CSMD1: variants seen among roughly 807,000 people sequenced by gnomAD.
The protein encoded by CSMD1 is CUB and Sushi multiple domains 1, also known as CUB and sushi domain-containing protein 1.
A neutral mutation model predicts 417.5 loss-of-function variants in CSMD1; 213 were observed. The observed-to-expected ratio is 0.51, with a 90% CI of 0.46 to 0.57. The LOEUF (loss-of-function observed/expected upper bound fraction) is 0.57, where lower values mean the gene tolerates loss of function less well. Ranked by LOEUF, CSMD1 falls within the 20% of genes least tolerant of loss-of-function variation. The probability of loss-of-function intolerance (pLI) is 0.00; values close to 1 mark genes in which losing one functional copy is unlikely to be tolerated. For synonymous variants in CSMD1, 2,862 were observed against 1,736.8 expected, an observed-to-expected ratio of 1.65 and a Z score of -16.11; for missense variants, 6,923 against 4,529.7, an observed-to-expected ratio of 1.53 and a Z score of -15.17.
rs562586144 is a variant in CSMD1, at chr8:3,991,391, A to G, written c.818+6512T>C. Among the ~76,000 whole-genome samples, 7 of 152,294 alleles carry G rather than the reference A, an allele frequency of 4.6e-5. No individual in the cohort carries two copies. The East Asian group carries it at 1.4e-3, about 29-fold the overall frequency. On this transcript the variant is annotated intron_variant, in intron 5 of 69. Transcript: ENST00000635120. ...ACTTCAGTGCGTCACGGTTGCATAT[A>G]TAACCCTGTTTAGTCACATCTTTAT...
intron 2 of CSMD1, among the ~76,000 whole-genome samples, chr8:4,494,526 A>G (rs1801882815): frequency 6.6e-6 from 1 of 152,216 alleles, no homozygotes; most frequent in Admixed American, 6.5e-5. Flanking sequence ...AATTGCTTCT[A>G]TCTAATAAAC....
chr8:4,275,596 T>C (rs912430063), intron 3 of CSMD1, among the ~76,000 whole-genome samples: 1 of 152,128 alleles, frequency 6.6e-6, no homozygotes, highest in Non-Finnish European at 1.5e-5. Flanking sequence ...AAGGTAATAT[T>C]GTAATTTTTA....
At chr8:3,280,955 C>T (rs189629518) in intron 26 of CSMD1, among the ~76,000 whole-genome samples, 597 of 152,072 alleles carry the variant, frequency 3.9e-3, no homozygotes, top group Non-Finnish European at 6.1e-3. Context: ...ATTGTTAAAA[C>T]AGGAAGATTT....
intron 3 of CSMD1, among the ~76,000 whole-genome samples, chr8:4,137,270 G>C (rs933532167): frequency 1.3e-5 from 2 of 152,130 alleles, no homozygotes; most frequent in African/African-American, 2.4e-5. Flanking sequence ...AATTGATAAA[G>C]AAACATGGTC....
chr8:4,732,464 A>G (rs1387402891), intron 1 of CSMD1, among the ~76,000 whole-genome samples: 3 of 151,910 alleles, frequency 2.0e-5, no homozygotes, highest in Non-Finnish European at 4.4e-5. Flanking sequence ...AAGAACAAGA[A>G]TTACTTACAA....
chr8:4,729,444 G>C (rs1186448484), intron 1 of CSMD1, among the ~76,000 whole-genome samples: 2 of 152,164 alleles, frequency 1.3e-5, no homozygotes, highest in Non-Finnish European at 2.9e-5. Flanking sequence ...TTGCGGCAGA[G>C]GGGAGCAGAG....
At chr8:3,293,837 C>G (rs546687633) in intron 25 of CSMD1, among the ~76,000 whole-genome samples, 77 of 152,338 alleles carry the variant, frequency 5.1e-4, no homozygotes, top group African/African-American at 1.8e-3. Flanking sequence ...TTGTCAAAGT[C>G]ATTCTCCATC....
At chr8:3,828,382 G>C (rs73658298) in intron 5 of CSMD1, among the ~76,000 whole-genome samples, 1 of 152,084 alleles carries the variant, frequency 6.6e-6, no homozygotes, top group Non-Finnish European at 1.5e-5. Flanking sequence ...ATTTAGTTTT[G>C]AGGAAACTGC....
At chr8:4,349,950 A>G (rs951152944) in intron 3 of CSMD1, among the ~76,000 whole-genome samples, 1 of 152,180 alleles carries the variant, frequency 6.6e-6, no homozygotes, top group African/African-American at 2.4e-5. Context: ...CTTTAACAAA[A>G]CAAATGTATG....
intron 1 of CSMD1, among the ~76,000 whole-genome samples, chr8:4,908,214 G>A (rs921568178): frequency 6.6e-6 from 1 of 152,104 alleles, no homozygotes; most frequent in Non-Finnish European, 1.5e-5. Flanking sequence ...TTTCTGATAA[G>A]AAATTTGCTG....
intron 12 of CSMD1, among the ~76,000 whole-genome samples, chr8:3,415,476 G>A (rs1369844358): frequency 3.9e-5 from 6 of 152,212 alleles, no homozygotes; most frequent in African/African-American, 1.4e-4. Flanking sequence ...TCTTGGCTCA[G>A]CCTCCTGCAT....
At chr8:4,320,993 A>G (rs1418387186) in intron 3 of CSMD1, among the ~76,000 whole-genome samples, 1 of 152,006 alleles carries the variant, frequency 6.6e-6, no homozygotes, top group Non-Finnish European at 1.5e-5. Context: ...TCCTTATACC[A>G]GTTTCTCTGT....
Position 3,118,571 on chromosome 8 carries a change from G to C in CSMD1, c.6258C>G (p.Asn2086Lys), listed in dbSNP as rs1453390480. Residue 2086 changes from asparagine (N) to lysine (K), a missense_variant, in exon 42 of 70, where the codon AAC becomes AAG. Asn to Lys is a moderately conservative substitution (Grantham distance 94). Transcript: ENST00000635120. ...KLAYQAYELQ[N>K]CPDPPPFQNG... ...TCTGAAATGGGGGTGGATCTGGACAGTTCTGTAATTCATAGGCTGAAAGAA... is the reference window on the plus strand; with the variant it reads ...TCTGAAATGGGGGTGGATCTGGACACTTCTGTAATTCATAGGCTGAAAGAA... 1.2e-6 allele frequency: 2 copies of C among 1,611,712 alleles called. No individual in the cohort carries two copies. Among genetic ancestry groups the C allele is most frequent in the African/African-American group, 2.7e-5 (2 of 74,818 alleles).
chr8:3,616,334 G>T (rs986467447), intron 8 of CSMD1, among the ~76,000 whole-genome samples: 1 of 152,136 alleles, frequency 6.6e-6, no homozygotes, highest in Non-Finnish European at 1.5e-5. Flanking sequence ...CCTCCACTTC[G>T]CTCATTCTTC....
At chr8:3,230,602 A>G (rs1296629221) in intron 26 of CSMD1, among the ~76,000 whole-genome samples, 2 of 152,194 alleles carry the variant, frequency 1.3e-5, no homozygotes, top group Non-Finnish European at 2.9e-5. Flanking sequence ...AACTAGTTAA[A>G]GTACACCAAC....
intron 3 of CSMD1, among the ~76,000 whole-genome samples, chr8:4,114,814 G>C (rs946496478): frequency 6.6e-6 from 1 of 152,130 alleles, no homozygotes; most frequent in African/African-American, 2.4e-5. Flanking sequence ...ATAGCGAGAG[G>C]TAAAATTAGA....
intron 10 of CSMD1, among the ~76,000 whole-genome samples, chr8:3,571,885 G>A (rs1301708332): frequency 6.6e-6 from 1 of 152,110 alleles, no homozygotes; most frequent in Non-Finnish European, 1.5e-5. Context: ...ACCTTTTAGG[G>A]TGTACTTCCG....
At chr8:4,209,850 G>T (rs778278064) in intron 3 of CSMD1, among the ~76,000 whole-genome samples, 31 of 152,328 alleles carry the variant, frequency 2.0e-4, no homozygotes, top group Non-Finnish European at 4.3e-4. Flanking sequence ...ATAAGGAGCG[G>T]TTAATGCAGA....
intron 2 of CSMD1, among the ~76,000 whole-genome samples, chr8:4,611,172 T>G (rs934964582): frequency 6.6e-6 from 1 of 152,194 alleles, no homozygotes; most frequent in Non-Finnish European, 1.5e-5. Context: ...TATATGGGTT[T>G]ATAGATACAT....
Sources: allele counts gnomAD v4.1 joint callset (sites outside exome capture counted in the v4.1 genomes callset), GRCh38; gene constraint gnomAD v4.1.1; transcripts MANE v1.5; gene names NCBI Gene and HGNC (gene_info 2026-07-23, HGNC 2026-07-21).